TEAD1: variants seen among roughly 807,000 people sequenced by gnomAD.
TEAD1 encodes the protein transcriptional enhancer factor TEF-1.
A neutral mutation model predicts 54.9 loss-of-function variants in TEAD1; 9 were observed. The ratio of observed to expected loss-of-function variants is 0.16; its 90% CI spans 0.10 to 0.29. The LOEUF (loss-of-function observed/expected upper bound fraction) is 0.29. Among genes scored for constraint, TEAD1 ranks in the 10% least tolerant of loss-of-function variants. The pLI is 1.00. For missense variants in TEAD1, 387 were observed against 535.9 expected (o/e 0.72, Z 2.74); for synonymous variants, 200 against 187.8 (o/e 1.07, Z -0.53).
intron 9 of TEAD1, among the ~76,000 whole-genome samples, chr11:12,884,760 A>G (rs774326356): frequency 6.6e-6 from 1 of 152,180 alleles, no homozygotes; most frequent in Non-Finnish European, 1.5e-5. Flanking sequence ...AGAGAAGAAA[A>G]GGCCAACTGG....
chr11:12,739,804 A>C (rs939725197), intron 2 of TEAD1, among the ~76,000 whole-genome samples: 1 of 152,204 alleles, frequency 6.6e-6, no homozygotes, highest in Non-Finnish European at 1.5e-5. Flanking sequence ...AGTTGCTGCA[A>C]ATACAAAGAA....
rs375605957 is a variant in TEAD1 at position 12,905,988 on chromosome 11, G to A, written c.873+3875G>A. Among the ~76,000 whole-genome samples, 24 of 152,238 alleles carry A rather than the reference G, an allele frequency of 1.6e-4. No individual in the cohort carries two copies. In the East Asian group the frequency reaches 2.3e-3, roughly 15 times the overall value. On this transcript the variant is annotated intron_variant, in intron 10 of 12. Coordinates refer to ENST00000527636, the MANE Select transcript of TEAD1 (RefSeq NM_021961.6). ...TTGACACTTGGAGGCGAATGGGATG[G>A]TGATGAGCCAAGTAGTAGTCACTCC...
intron 3 of TEAD1, among the ~76,000 whole-genome samples, chr11:12,821,573 C>G (rs1296688797): frequency 3.3e-5 from 5 of 152,142 alleles, no homozygotes; most frequent in African/African-American, 1.2e-4. Flanking sequence ...GTTCCCTGAG[C>G]ATGCAGTCGG....
intron 2 of TEAD1, among the ~76,000 whole-genome samples, chr11:12,709,379 CT>C (rs1943886723): frequency 6.6e-6 from 1 of 151,818 alleles, no homozygotes; most frequent in East Asian, 1.9e-4. Context: ...TTGATGTTTA[CT>C]TTTTATAGTT....
At chr11:12,727,046 C>T (rs184254505) in intron 2 of TEAD1, among the ~76,000 whole-genome samples, 1,643 of 152,024 alleles carry the variant, frequency 0.011, 26 homozygotes, top group African/African-American at 0.037. Context: ...TCAAGACCAG[C>T]CAGGTCAACA....
chr11:12,846,970 A>G (rs1402073297), intron 3 of TEAD1, among the ~76,000 whole-genome samples: 1 of 152,166 alleles, frequency 6.6e-6, no homozygotes, highest in Admixed American at 6.5e-5. Flanking sequence ...GGAAAGATTC[A>G]TGGGTATTTC....
intron 3 of TEAD1, among the ~76,000 whole-genome samples, chr11:12,777,571 C>T (rs1945456955): frequency 6.6e-6 from 1 of 152,170 alleles, no homozygotes; most frequent in Admixed American, 6.5e-5. Flanking sequence ...ACATTTGTAC[C>T]TATAAAGTAG....
chr11:12,763,050 A>C (rs934363887), intron 2 of TEAD1, among the ~76,000 whole-genome samples: 1 of 152,134 alleles, frequency 6.6e-6, no homozygotes, highest in Non-Finnish European at 1.5e-5. Flanking sequence ...GAGGCCTTTG[A>C]ATTAATGATC....
At chr11:12,685,034 C>T (rs1027388591) in intron 2 of TEAD1, among the ~76,000 whole-genome samples, 1 of 152,166 alleles carries the variant, frequency 6.6e-6, no homozygotes, top group Non-Finnish European at 1.5e-5. Context: ...TGCTCACATT[C>T]CCAGCTACAC....
At chr11:12,791,324 C>A (rs1180678243) in intron 3 of TEAD1, among the ~76,000 whole-genome samples, 5 of 152,166 alleles carry the variant, frequency 3.3e-5, no homozygotes, top group African/African-American at 1.2e-4. Flanking sequence ...CTGGTGTTTC[C>A]CAGGCTTTGC....
chr11:12,883,178 T>C, intron 9 of TEAD1, 53 bp downstream of exon 9: 5 of 1,613,062 alleles, frequency 3.1e-6, no homozygotes, highest in Non-Finnish European at 4.2e-6. Flanking sequence ...TTCCCTTTAC[T>C]GTTTACCTCC....
chr11:12,883,255 C>T, intron 9 of TEAD1, 130 bp downstream of exon 9: 1 of 1,442,150 alleles, frequency 6.9e-7, no homozygotes, highest in East Asian at 2.3e-5. Context: ...GAAAACGGGC[C>T]TAGGAAAGAA....
At chr11:12,712,916 A>G (rs1227354739) in intron 2 of TEAD1, among the ~76,000 whole-genome samples, 2 of 152,222 alleles carry the variant, frequency 1.3e-5, no homozygotes, top group Non-Finnish European at 2.9e-5. Context: ...TTTAGACCCA[A>G]GCTAAGTTGG....
intron 2 of TEAD1, among the ~76,000 whole-genome samples, chr11:12,718,911 C>G (rs1186702417): frequency 6.6e-6 from 1 of 151,850 alleles, no homozygotes. Flanking sequence ...ATAAATTTTA[C>G]TTTCTGATGC....
intron 3 of TEAD1, among the ~76,000 whole-genome samples, chr11:12,828,792 A>ATTTT (rs34175882): frequency 8.3e-6 from 1 of 120,478 alleles, no homozygotes; most frequent in South Asian, 2.4e-4. Context: ...ATTGATTTGC[A>ATTTT]TTTTTTTTTT....
chr11:12,866,105 A>T (rs1589939599), intron 5 of TEAD1, among the ~76,000 whole-genome samples: 1 of 152,196 alleles, frequency 6.6e-6, no homozygotes, highest in Admixed American at 6.5e-5. Flanking sequence ...CGTGTGGCTG[A>T]TGGTGGCTGG....
At chr11:12,819,448 AGTTTTTT>A (rs971949957) in intron 3 of TEAD1, among the ~76,000 whole-genome samples, 1 of 151,880 alleles carries the variant, frequency 6.6e-6, no homozygotes, top group Non-Finnish European at 1.5e-5. Flanking sequence ...ACGGTAACAA[AGTTTTTT>A]GTTTTTTGTT....
chr11:12,852,014 G>T (rs1480366897), intron 3 of TEAD1, among the ~76,000 whole-genome samples: 2 of 152,166 alleles, frequency 1.3e-5, no homozygotes, highest in African/African-American at 4.8e-5. Flanking sequence ...AGTTTGGATG[G>T]CTCCCACAGA....
At chr11:12,802,605 C>CT in intron 3 of TEAD1, among the ~76,000 whole-genome samples, 1 of 152,308 alleles carries the variant, frequency 6.6e-6, no homozygotes, top group African/African-American at 2.4e-5. Context: ...CCCTGTGCCA[C>CT]TTGCTTCCTT....
Sources: gnomAD v4.1 joint callset for allele counts (sites outside exome capture counted in the v4.1 genomes callset) on GRCh38, gnomAD v4.1.1 for gene constraint, MANE v1.5 for transcripts, NCBI Gene and HGNC (gene_info 2026-07-23, HGNC 2026-07-21) for gene names.